FAXC: variants seen among roughly 807,000 people sequenced by gnomAD.
FAXC encodes failed axon connections homolog.
In FAXC, 10 loss-of-function variants were observed where a neutral mutation model predicts 41.9. The ratio of observed to expected loss-of-function variants is 0.24; its 90% CI spans 0.15 to 0.41. The LOEUF (loss-of-function observed/expected upper bound fraction) is 0.41, where lower values mean the gene tolerates loss of function less well. Ranked by LOEUF, FAXC falls within the 10% of genes least tolerant of loss-of-function variation. The pLI is 1.00. For missense variants in FAXC, 399 were observed against 510.9 expected, an observed-to-expected ratio of 0.78 and a Z score of 2.11; for synonymous variants, 183 against 183.8, an observed-to-expected ratio of 1.00 and a Z score of 0.03.
In FAXC at chr6:99,338,932, C is replaced by T. The variant is rs142522523; in HGVS notation, c.402+3966G>A. Among the ~76,000 whole-genome samples the T allele has an allele frequency of 2.6e-5, 4 of 152,266 alleles. No individual in the cohort carries two copies. The South Asian group carries it at 6.2e-4, about 24-fold the overall frequency. ...CTGTTCCCAAACATCCCATGTCCTC[C>T]CTGATGCCCCAATCCGAAGTCTGGA... On this transcript the variant is annotated intron_variant, in intron 2 of 5. Coordinates refer to ENST00000389677, the MANE Select transcript of FAXC (RefSeq NM_032511.4).
rs746683390 is a variant in FAXC, at chr6:99,349,263, G to C, written c.110C>G (p.Ser37Cys). Residue 37 changes from serine to cysteine, a missense_variant, in exon 1 of 6, where the codon TCC (serine) becomes TGC (cysteine). Physicochemically the swap from Ser to Cys is moderately radical, Grantham distance 112 (BLOSUM62 -1). This residue lies in a region of FAXC where 68 missense variants were observed against 63.4 expected (regional missense o/e 1.07). Transcript: ENST00000389677. ...GAAAGCGATGATGTCCCCATAAAAGGAGAAGGGCTCCTCGGACCCGGCCCA... is the reference window on the plus strand; with the variant it reads ...GAAAGCGATGATGTCCCCATAAAAGCAGAAGGGCTCCTCGGACCCGGCCCA... ...GWWAGSEEPF[S>C]FYGDIIAFPL... 6.0e-5 allele frequency: 97 copies of C among 1,613,682 alleles called. No homozygotes were observed. The highest frequency in any genetic ancestry group is 1.3e-4 in the Admixed American group (8 of 60,010).
intron 2 of FAXC, among the ~76,000 whole-genome samples, chr6:99,341,946 T>C (rs1012027083): frequency 1.1e-4 from 16 of 152,166 alleles, no homozygotes; most frequent in African/African-American, 3.9e-4. Flanking sequence ...GGCTAGAACT[T>C]GGTTAAAAAT....
At chr6:99,311,917 T>C (rs1177156167) in intron 4 of FAXC, among the ~76,000 whole-genome samples, 1 of 152,218 alleles carries the variant, frequency 6.6e-6, no homozygotes, top group African/African-American at 2.4e-5. Context: ...TTTTAAGTAT[T>C]TGAAAAAAGT....
intron 5 of FAXC, among the ~76,000 whole-genome samples, chr6:99,283,173 T>C (rs981561492): frequency 6.6e-5 from 10 of 152,220 alleles, no homozygotes; most frequent in Admixed American, 6.5e-5. Context: ...GAAAATAACA[T>C]ATTCTCATTT....
chr6:99,312,061 T>C (rs1330054548), intron 4 of FAXC, among the ~76,000 whole-genome samples: 1 of 152,236 alleles, frequency 6.6e-6, no homozygotes, highest in Admixed American at 6.5e-5. Flanking sequence ...TGGCCATTTT[T>C]CTTTTAAAAG....
intron 5 of FAXC, among the ~76,000 whole-genome samples, chr6:99,290,647 A>G (rs534393016): frequency 2.2e-4 from 33 of 150,506 alleles, no homozygotes; most frequent in African/African-American, 8.0e-4. Context: ...GGTTGTAGTG[A>G]GCCAAGATTG....
intron 4 of FAXC, among the ~76,000 whole-genome samples, chr6:99,304,975 T>C (rs1340909591): frequency 6.6e-6 from 1 of 152,170 alleles, no homozygotes; most frequent in Non-Finnish European, 1.5e-5. Flanking sequence ...TTTGAGAAAC[T>C]GTGAAGTGAA....
At position 99,333,437 on chromosome 6, in the gene FAXC, A is replaced by G; in HGVS notation, c.513T>C (p.Leu171=). ...EFIIDFLEEK[L]GVNLNKNLGP... ...CAAGGTTTTTGTTTAAATTCACTCC[A>G]AGCTTCTCTTCCAGAAAGTCAATTA... Residue 171 remains leucine (L), a synonymous_variant, in exon 3 of 6, where the codon CTT becomes CTC. Coordinates refer to ENST00000389677, the MANE Select transcript of FAXC (RefSeq NM_032511.4). The G allele has an allele frequency of 6.2e-7, 1 of 1,614,106 alleles. No individual in the cohort carries two copies. The highest frequency in any genetic ancestry group is 8.5e-7 in the Non-Finnish European group (1 of 1,180,002).
At chr6:99,341,900 T>C (rs1773441150) in intron 2 of FAXC, among the ~76,000 whole-genome samples, 1 of 39,210 alleles carries the variant, frequency 2.6e-5, no homozygotes, top group Admixed American at 1.5e-4. Flanking sequence ...AAATTAAAAA[T>C]GATAACAAAA....
Position 99,271,715 on chromosome 6 carries a change from G to A in FAXC, c.*9449C>T, listed in dbSNP as rs1169295263. On this transcript the variant is annotated 3_prime_UTR_variant, in exon 6 of 6. Transcript: ENST00000389677. Reference sequence around the variant, plus strand: ...TATTATCACTGAAATGGGAAATTAGGGGGTTCTCTCATTTCCTACTTAATA... The same window carrying A: ...TATTATCACTGAAATGGGAAATTAGAGGGTTCTCTCATTTCCTACTTAATA... 2 of 152,158 alleles carry A rather than the reference G, an allele frequency of 1.3e-5. No individual in the cohort carries two copies. Among genetic ancestry groups the A allele is most frequent in the African/African-American group, 2.4e-5 (1 of 41,440 alleles). 9.4% of individuals were successfully genotyped at this position (152,158 alleles called of 1,614,324 possible). A position where few individuals can be genotyped will look rare whatever the true frequency, so the allele number is the denominator to read the frequency against.
intron 4 of FAXC, among the ~76,000 whole-genome samples, chr6:99,315,052 G>C (rs1772289041): frequency 6.6e-6 from 1 of 151,622 alleles, no homozygotes; most frequent in African/African-American, 2.4e-5. Context: ...TGGCCAACAT[G>C]GTGAAAGACC....
intron 5 of FAXC, among the ~76,000 whole-genome samples, chr6:99,291,211 C>T (rs977677455): frequency 6.6e-6 from 1 of 152,020 alleles, no homozygotes; most frequent in Non-Finnish European, 1.5e-5. Context: ...CTTACAGTTA[C>T]ATGTGCAACA....
intron 3 of FAXC, among the ~76,000 whole-genome samples, chr6:99,333,093 T>G (rs1349572821): frequency 6.6e-6 from 1 of 152,210 alleles, no homozygotes; most frequent in African/African-American, 2.4e-5. Context: ...ACAGCAGAGT[T>G]GACTAGTTGC....
intron 5 of FAXC, among the ~76,000 whole-genome samples, chr6:99,286,015 C>T (rs985514011): frequency 6.6e-6 from 1 of 152,178 alleles, no homozygotes; most frequent in African/African-American, 2.4e-5. Context: ...TGTCTCGCAG[C>T]AGCACCTGCC....
At chr6:99,288,775 C>T (rs1405684909) in intron 5 of FAXC, among the ~76,000 whole-genome samples, 1 of 151,852 alleles carries the variant, frequency 6.6e-6, no homozygotes, top group Non-Finnish European at 1.5e-5. Context: ...CTGTCCCCAC[C>T]AATAAGAGGA....
Position 99,281,200 on chromosome 6 carries a change from G to T in FAXC, c.1194C>A (p.Asp398Glu). 1 of 1,556,680 alleles carries T rather than the reference G, an allele frequency of 6.4e-7. No homozygotes were observed. The highest frequency in any genetic ancestry group is 8.9e-7 in the Non-Finnish European group (1 of 1,127,760). ...TGHSLFDSDV[D>E]MDDYTDHEQC... ...GTTCGTGGTCTGTATAGTCATCCAT[G>T]TCCACATCCGAATCAAAGAGTGAGT... is the stretch of plus-strand genomic sequence containing the variant. Residue 398 changes from aspartate (D) to glutamate (E), a missense_variant, in exon 6 of 6, where the codon GAC (aspartate) becomes GAA (glutamate). Coordinates refer to ENST00000389677, the MANE Select transcript of FAXC (RefSeq NM_032511.4).
In FAXC at chr6:99,278,136, C is replaced by G. The variant is rs977939910; in HGVS notation, c.*3028G>C. 1.3e-5 allele frequency: 2 copies of G among 152,178 alleles called. No homozygotes were observed. Among genetic ancestry groups the G allele is most frequent in the Non-Finnish European group, 2.9e-5 (2 of 68,032 alleles). 9.4% of individuals were successfully genotyped at this position (152,178 alleles called of 1,614,324 possible). On this transcript the variant is annotated 3_prime_UTR_variant, in exon 6 of 6. Coordinates refer to ENST00000389677, the MANE Select transcript of FAXC (RefSeq NM_032511.4). Reference sequence around the variant, plus strand: ...ATTAGTCTCCTGGGTAGCCCACAGCCTTGGTAGTGTCACTTTCTACAATTC... The same window carrying G: ...ATTAGTCTCCTGGGTAGCCCACAGCGTTGGTAGTGTCACTTTCTACAATTC...
At chr6:99,341,985 T>C (rs1413784524) in intron 2 of FAXC, among the ~76,000 whole-genome samples, 1 of 152,138 alleles carries the variant, frequency 6.6e-6, no homozygotes, top group Non-Finnish European at 1.5e-5. Flanking sequence ...TTAAAAAAAA[T>C]ACATAGAATT....
chr6:99,320,264 A>G (rs1211112021), intron 4 of FAXC, among the ~76,000 whole-genome samples: 2 of 152,212 alleles, frequency 1.3e-5, no homozygotes, highest in Non-Finnish European at 2.9e-5. Context: ...TGAGATAATT[A>G]TGACTGTCCT....
Sources: gnomAD v4.1 joint callset for allele counts (sites outside exome capture counted in the v4.1 genomes callset) on GRCh38, gnomAD v4.1.1 for gene constraint, gnomAD v4.1.1 regional missense constraint, MANE v1.5 for transcripts, NCBI Gene and HGNC (gene_info 2026-07-23, HGNC 2026-07-21) for gene names.